KLF8: variants seen among roughly 807,000 people sequenced by gnomAD.
KLF8 encodes KLF transcription factor 8.
Under a neutral mutation model 18.2 loss-of-function variants are expected in KLF8, and 10 were observed. The ratio of observed to expected loss-of-function variants is 0.55; its 90% CI spans 0.34 to 0.93. The LOEUF is 0.93. KLF8 is among the 40% of genes least tolerant of loss of function. KLF8 has a pLI of 0.02. For synonymous variants in KLF8, 109 were observed against 97.3 expected (o/e 1.12, Z -0.71); for missense variants, 264 against 277.9 (o/e 0.95, Z 0.36).
At chrX:56,197,305 C>G in the KLF8 span, among the ~76,000 whole-genome samples, 1 of 110,595 alleles carries the variant, frequency 9.0e-6, no homozygotes, top group Non-Finnish European at 1.9e-5. Flanking sequence ...AATCCAGGAG[C>G]TGGTTTTTTG....
At chrX:56,095,244 G>T in the KLF8 span, among the ~76,000 whole-genome samples, 2 of 112,049 alleles carry the variant, frequency 1.8e-5, no homozygotes, top group Non-Finnish European at 3.8e-5. Context: ...TTCAATAAAT[G>T]GTACTGGGAA....
the KLF8 span, among the ~76,000 whole-genome samples, chrX:55,944,097 T>G: frequency 3.6e-4 from 40 of 111,771 alleles, 1 homozygote; most frequent in Admixed American, 1.6e-3. Context: ...ATCATGTGGT[T>G]TTTGTCTTTG....
intron 5 of KLF8, among the ~76,000 whole-genome samples, chrX:56,282,386 C>G (rs1569193737): frequency 8.9e-6 from 1 of 112,347 alleles, no homozygotes; most frequent in Non-Finnish European, 1.9e-5. Context: ...AGCTTTATCT[C>G]ATTCTTCTTA....
At chrX:56,062,589 A>C in the KLF8 span, among the ~76,000 whole-genome samples, 15,002 of 111,220 alleles carry the variant, frequency 0.13, 1,100 homozygotes, top group Non-Finnish European at 0.21. Flanking sequence ...GTGGGTAACC[A>C]CACCTTTCTC....
the KLF8 span, among the ~76,000 whole-genome samples, chrX:56,115,787 T>A: frequency 2.7e-5 from 3 of 112,289 alleles, no homozygotes; most frequent in Non-Finnish European, 5.6e-5. Context: ...ATATGGAATA[T>A]CTCATTGAAT....
chrX:56,242,946 C>T (rs964577402), intron 1 of KLF8: 12 of 457,973 alleles, frequency 2.6e-5, no homozygotes, highest in Non-Finnish European at 3.6e-5. Context: ...TTTAGATGAT[C>T]CCAATTTTGT....
chrX:56,188,931 A>T, the KLF8 span, among the ~76,000 whole-genome samples: 1 of 111,966 alleles, frequency 8.9e-6, no homozygotes, highest in African/African-American at 3.2e-5. Flanking sequence ...AAGAAAACCT[A>T]GGCAATACCA....
the KLF8 span, among the ~76,000 whole-genome samples, chrX:56,042,266 A>C: frequency 9.0e-6 from 1 of 111,371 alleles, no homozygotes; most frequent in Non-Finnish European, 1.9e-5. Flanking sequence ...GTTCTTTTGC[A>C]TTTGCCGAGG....
At chrX:56,089,930 G>A in the KLF8 span, among the ~76,000 whole-genome samples, 1 of 111,993 alleles carries the variant, frequency 8.9e-6, no homozygotes, top group Admixed American at 9.5e-5. Context: ...TATGCCAAGA[G>A]CATTCTTTTC....
At chrX:56,110,745 TTA>T in the KLF8 span, among the ~76,000 whole-genome samples, 1 of 111,911 alleles carries the variant, frequency 8.9e-6, no homozygotes, top group Non-Finnish European at 1.9e-5. Flanking sequence ...GCTTACTTCT[TTA>T]TGTTGTTTTT....
chrX:56,034,916 C>A, the KLF8 span, among the ~76,000 whole-genome samples: 2 of 106,345 alleles, frequency 1.9e-5, no homozygotes, highest in Non-Finnish European at 3.9e-5. Context: ...CTACCACGCC[C>A]GGCTAATTTT....
At chrX:56,185,005 T>C in the KLF8 span, among the ~76,000 whole-genome samples, 7 of 111,777 alleles carry the variant, frequency 6.3e-5, no homozygotes, top group African/African-American at 3.3e-5. Flanking sequence ...TTACCAGCAA[T>C]GGAAAAAAGC....
the KLF8 span, among the ~76,000 whole-genome samples, chrX:56,177,524 C>T: frequency 9.0e-6 from 1 of 111,075 alleles, no homozygotes; most frequent in Non-Finnish European, 1.9e-5. Flanking sequence ...TTCAGTGTGC[C>T]TCCCAGTTAG....
chrX:56,157,839 TTGCCTG>T, the KLF8 span, among the ~76,000 whole-genome samples: 1 of 111,517 alleles, frequency 9.0e-6, no homozygotes, highest in African/African-American at 3.3e-5. Context: ...ATTCTGTAGG[TTGCCTG>T]TTCACTCTGA....
At chrX:56,094,166 G>C in the KLF8 span, among the ~76,000 whole-genome samples, 1 of 109,651 alleles carries the variant, frequency 9.1e-6, no homozygotes, top group African/African-American at 3.3e-5. Flanking sequence ...AAAAGACATA[G>C]AGTCTCAGGG....
At chrX:55,913,723 C>T in the KLF8 span, among the ~76,000 whole-genome samples, 3 of 111,542 alleles carry the variant, frequency 2.7e-5, no homozygotes, top group Non-Finnish European at 3.8e-5. Context: ...TAGCAGCCCT[C>T]GGAAATGAAT....
At chrX:55,955,886 A>T in the KLF8 span, among the ~76,000 whole-genome samples, 1 of 111,521 alleles carries the variant, frequency 9.0e-6, no homozygotes, top group Admixed American at 9.6e-5. Context: ...TTTTATTCCA[A>T]TGAGTTGCCA....
the KLF8 span, among the ~76,000 whole-genome samples, chrX:55,926,056 T>C: frequency 8.9e-6 from 1 of 111,920 alleles, no homozygotes; most frequent in Non-Finnish European, 1.9e-5. Flanking sequence ...TCTTGGTGCC[T>C]AGTACATGGT....
the KLF8 span, among the ~76,000 whole-genome samples, chrX:56,218,548 ACAGT>A: frequency 8.9e-6 from 1 of 112,051 alleles, no homozygotes; most frequent in African/African-American, 3.2e-5. Flanking sequence ...ATATATTATG[ACAGT>A]CAAAGGAACC....
Sources: gnomAD v4.1 joint callset for allele counts (sites outside exome capture counted in the v4.1 genomes callset) on GRCh38, gnomAD v4.1.1 for gene constraint, MANE v1.5 for transcripts, NCBI Gene and HGNC (gene_info 2026-07-23, HGNC 2026-07-21) for gene names.